AKAP11: variants seen among roughly 807,000 people sequenced by gnomAD.
AKAP11 encodes the protein A-kinase anchoring protein 11, also known as A-kinase anchor protein 11.
In AKAP11, 36 loss-of-function variants were observed where a neutral mutation model predicts 146.1. The ratio of observed to expected loss-of-function variants is 0.25; its 90% CI spans 0.19 to 0.33. AKAP11 has a LOEUF of 0.33. Ranked by LOEUF, AKAP11 falls within the 10% of genes least tolerant of loss-of-function variation. AKAP11 has a pLI of 1.00. For synonymous variants in AKAP11, 780 were observed against 786.5 expected (o/e 0.99, Z 0.14); for missense variants, 2,201 against 2,197.0 (o/e 1.00, Z -0.04).
Position 42,299,440 on chromosome 13 carries a change from G to T in AKAP11, c.694G>T (p.Asp232Tyr), listed in dbSNP as rs1566270972. The T allele has an allele frequency of 6.2e-7, 1 of 1,613,744 alleles. No individual in the cohort carries two copies. The highest frequency in any genetic ancestry group is 8.5e-7 in the Non-Finnish European group (1 of 1,179,822). The stretch of plus-strand genomic sequence containing the variant: ...TACTGGTCATCATTTAGAAACCCAT[G>T]ATTTAAAGATTCTCATTAGCTCTGG... ...TVTGHHLETH[D>Y]LKILISSGQQ... is the part of the protein sequence containing the mutation. The change falls in exon 8 of 13, where the codon GAT becomes TAT. Residue 232 changes from aspartate (D) to tyrosine (Y), a missense_variant. This residue lies in a region of AKAP11 where 331 missense variants were observed against 347.4 expected (regional missense o/e 0.95). Transcript: ENST00000025301.
chr13:42,291,227 G>A (rs1471702455), intron 3 of AKAP11, among the ~76,000 whole-genome samples: 1 of 152,052 alleles, frequency 6.6e-6, no homozygotes. Flanking sequence ...GTTTTAATGG[G>A]TAGGAAAGAA....
intron 6 of AKAP11, among the ~76,000 whole-genome samples, chr13:42,297,510 A>C (rs955779360): frequency 8.6e-5 from 13 of 151,890 alleles, no homozygotes; most frequent in African/African-American, 2.9e-4. Flanking sequence ...ACTTTTCCCT[A>C]TTATGGCCAA....
Position 42,301,972 on chromosome 13 carries a change from G to T in AKAP11, c.3226G>T (p.Ala1076Ser), listed in dbSNP as rs770630794. The stretch of plus-strand genomic sequence containing the variant: ...TCATTCACATACTTTCTCATCTACA[G>T]CACTTACCTGTGTAGATGGTTTGCA... ...FPHSHTFSST[A>S]LTCVDGLHVE... Residue 1076 changes from alanine (A) to serine (S), a missense_variant, in exon 8 of 13, where the codon GCA becomes TCA. Physicochemically the swap from Ala to Ser is moderately conservative, Grantham distance 99 (BLOSUM62 1). This residue lies in a region of AKAP11 where 1,867 missense variants were observed against 1,833.5 expected (regional missense o/e 1.02). Transcript: ENST00000025301. 1 of 1,614,076 alleles carries T rather than the reference G, an allele frequency of 6.2e-7. No individual in the cohort carries two copies. Among genetic ancestry groups the T allele is most frequent in the Non-Finnish European group, 8.5e-7 (1 of 1,179,968 alleles).
chr13:42,303,335 A>G lies in AKAP11; in HGVS notation c.4589A>G (p.Tyr1530Cys), dbSNP rs1257842389. The G allele has an allele frequency of 6.2e-7, 1 of 1,612,622 alleles. No individual in the cohort carries two copies. The highest frequency in any genetic ancestry group is 8.5e-7 in the Non-Finnish European group (1 of 1,180,028). Residue 1530 changes from tyrosine (Y) to cysteine (C), a missense_variant, in exon 8 of 13, where the codon TAT becomes TGT. Tyr to Cys is a radical substitution (Grantham distance 194). Transcript: ENST00000025301. ...CACAGCACTGGCAGTTTAAATGGAT[A>G]TGGTTGTGGAGACAATGTTGTTCAA... is the stretch of plus-strand genomic sequence containing the variant. ...FYHSTGSLNG[Y>C]GCGDNVVQAV...
In AKAP11 at chr13:42,302,696, C is replaced by T. The variant is rs138199082; in HGVS notation, c.3950C>T (p.Pro1317Leu). The change falls in exon 8 of 13, where the codon CCG becomes CTG. Residue 1317 changes from proline to leucine, a missense_variant. By Grantham distance (98) the Pro-to-Leu change is moderately conservative. Around this residue, in one of 3 missense-constraint regions of AKAP11, gnomAD observed 1,867 missense variants for 1,833.5 expected, o/e 1.02. Coordinates refer to ENST00000025301, the MANE Select transcript of AKAP11 (RefSeq NM_016248.4). ...GTAGTGCACCCAAGAGAAGTGGATC[C>T]GTTTATTCTTTCATTACCACCAAGT... ...EAVVHPREVD[P>L]FILSLPPSSC... The T allele has an allele frequency of 1.7e-4, 267 of 1,613,986 alleles. 2 individuals are homozygous for T. In the African/African-American group the frequency reaches 2.8e-3, roughly 17 times the overall value.
intron 4 of AKAP11, among the ~76,000 whole-genome samples, chr13:42,293,826 T>C (rs944549498): frequency 2.0e-5 from 3 of 152,220 alleles, no homozygotes; most frequent in African/African-American, 7.2e-5. Context: ...ATAGATGGAA[T>C]TTCTATTCCA....
At chr13:42,314,072 C>A (rs753451757) in intron 11 of AKAP11, 132 bp downstream of exon 11, 6 of 854,998 alleles carry the variant, frequency 7.0e-6, no homozygotes, top group Non-Finnish European at 1.1e-5. Context: ...TATTCTTGAA[C>A]TAATTTTGTT....
intron 11 of AKAP11, among the ~76,000 whole-genome samples, chr13:42,314,597 G>A (rs1031820479): frequency 4.0e-5 from 6 of 151,584 alleles, no homozygotes. Context: ...TATAACTATG[G>A]CATATTATTT....
At chr13:42,311,995 C>T (rs1385666474) in intron 9 of AKAP11, among the ~76,000 whole-genome samples, 1 of 152,108 alleles carries the variant, frequency 6.6e-6, no homozygotes, top group African/African-American at 2.4e-5. Context: ...TTTTTTAGAA[C>T]TTGAAGTAAT....
intron 1 of AKAP11, among the ~76,000 whole-genome samples, chr13:42,279,263 CCACACA>C (rs144570815): frequency 6.7e-6 from 1 of 150,076 alleles, no homozygotes; most frequent in Non-Finnish European, 1.5e-5. Flanking sequence ...ACGTGCACAC[CCACACA>C]CACACACACA....
intron 9 of AKAP11, among the ~76,000 whole-genome samples, chr13:42,309,659 A>G (rs533167952): frequency 1.3e-5 from 2 of 152,350 alleles, no homozygotes; most frequent in African/African-American, 4.8e-5. Context: ...CTTAAAATCT[A>G]GGTCCAAAAA....
At chr13:42,313,430 G>T (rs137926042) in intron 10 of AKAP11, among the ~76,000 whole-genome samples, 1 of 151,864 alleles carries the variant, frequency 6.6e-6, no homozygotes, top group Non-Finnish European at 1.5e-5. Context: ...TTTCTGTTGG[G>T]TTTTTTTGTT....
chr13:42,322,559 G>A lies in AKAP11; in HGVS notation c.*3331G>A, dbSNP rs1434861712. 1 of 152,252 alleles carries A rather than the reference G, an allele frequency of 6.6e-6. No homozygotes were observed. Among genetic ancestry groups the A allele is most frequent in the Non-Finnish European group, 1.5e-5 (1 of 67,992 alleles). The allele number at this position is 152,252 out of a possible 1,614,324, so 9.4% of individuals were successfully genotyped here. A position where few individuals can be genotyped will look rare whatever the true frequency, so the allele number is the denominator to read the frequency against. Reference sequence around the variant, plus strand: ...AACAACTGATGCATCCATACTCAGGGTGTAGGGAGAATACTTTGCATTTAA... The same window carrying A: ...AACAACTGATGCATCCATACTCAGGATGTAGGGAGAATACTTTGCATTTAA... On this transcript the variant is annotated 3_prime_UTR_variant, in exon 13 of 13. Transcript: ENST00000025301.
chr13:42,293,783 C>T (rs1212032417), intron 4 of AKAP11, among the ~76,000 whole-genome samples: 2 of 152,188 alleles, frequency 1.3e-5, no homozygotes, highest in Non-Finnish European at 1.5e-5. Context: ...AGCTTATTTT[C>T]TCTCTTGTAT....
chr13:42,316,637 G>A (rs1216858004), intron 11 of AKAP11, among the ~76,000 whole-genome samples: 5 of 152,178 alleles, frequency 3.3e-5, no homozygotes, highest in African/African-American at 1.2e-4. Flanking sequence ...GAGATTAAGA[G>A]CATGGAGCCA....
chr13:42,314,929 T>C (rs1374422489), intron 11 of AKAP11, among the ~76,000 whole-genome samples: 1 of 152,194 alleles, frequency 6.6e-6, no homozygotes, highest in Middle Eastern at 3.2e-3. Context: ...TTAGAAACTT[T>C]ACTTTGAAGC....
At chr13:42,316,095 A>G (rs1478929595) in intron 11 of AKAP11, among the ~76,000 whole-genome samples, 1 of 152,206 alleles carries the variant, frequency 6.6e-6, no homozygotes, top group African/African-American at 2.4e-5. Flanking sequence ...ATGGTATGCC[A>G]AACCTATTTT....
At chr13:42,293,615 T>C (rs1438447874) in intron 4 of AKAP11, among the ~76,000 whole-genome samples, 1 of 152,218 alleles carries the variant, frequency 6.6e-6, no homozygotes, top group Non-Finnish European at 1.5e-5. Context: ...CTAATACATA[T>C]GCTCATCTTC....
intron 11 of AKAP11, 26 bp from the exon 12 acceptor site, chr13:42,317,502 T>C: frequency 1.3e-6 from 2 of 1,598,818 alleles, no homozygotes; most frequent in Non-Finnish European, 1.7e-6. Context: ...GAGTTTTACT[T>C]TATATTGTTT....
Sources: allele counts gnomAD v4.1 joint callset (sites outside exome capture counted in the v4.1 genomes callset), GRCh38; gene constraint gnomAD v4.1.1; regional missense constraint gnomAD v4.1.1; transcripts MANE v1.5; gene names NCBI Gene and HGNC (gene_info 2026-07-23, HGNC 2026-07-21).